The following ENO4 variants were observed in gnomAD, a reference collection of about 807,000 sequenced individuals.
ENO4 encodes 2-phospho-D-glycerate hydro-lyase.
ENO4 carries 53 observed loss-of-function variants against 63.2 expected under a neutral mutation model. The observed-to-expected ratio is 0.84, with a 90% confidence interval of 0.67 to 1.05. The LOEUF (loss-of-function observed/expected upper bound fraction) is 1.05, where lower values mean the gene tolerates loss of function less well. Among genes scored for constraint, ENO4 ranks in the 50% least tolerant of loss-of-function variants. The pLI is 0.00. For synonymous variants in ENO4, 266 were observed against 283.8 expected, an observed-to-expected ratio of 0.94 and a Z score of 0.63; for missense variants, 719 against 772.0, an observed-to-expected ratio of 0.93 and a Z score of 0.81.
intron 4 of ENO4, 120 bp from the exon 5 acceptor site, chr10:116,860,674 T>C (rs1458015474): frequency 1.4e-5 from 10 of 694,036 alleles, no homozygotes; most frequent in Non-Finnish European, 1.9e-5. Context: ...TTTTTGGGGG[T>C]TGAGGTAGAG....
intron 1 of ENO4, among the ~76,000 whole-genome samples, chr10:116,851,061 A>G (rs1423916030): frequency 1.3e-5 from 2 of 152,214 alleles, no homozygotes; most frequent in Admixed American, 6.5e-5. Flanking sequence ...TTACAGGGAC[A>G]CCAAGTCTTT....
rs1279240190 is a variant in ENO4, at chr10:116,849,776, C to T, written c.165+45C>T. The T allele has an allele frequency of 3.4e-6, 5 of 1,466,862 alleles. No homozygotes were observed. In the South Asian group the frequency reaches 4.2e-5, roughly 12 times the overall value. 90.9% of individuals were successfully genotyped at this position (1,466,862 alleles called of 1,614,324 possible). On this transcript the variant is annotated intron_variant, in intron 1 of 13. Transcript: ENST00000341276. The stretch of plus-strand genomic sequence containing the variant: ...GCTCTCCTCCCGCCAACCCCTCTCC[C>T]CCCGCCCCGCGCTGCGGCAACGCCT...
At chr10:116,886,213 C>T (rs1564858166), downstream of ENO4, 3 of 1,271,976 alleles carry the variant, frequency 2.4e-6, no homozygotes, top group Non-Finnish European at 3.2e-6. Context: ...ACAAAAGTGA[C>T]ACCAGAAAAG....
chr10:116,864,077 A>T (rs770461415), intron 7 of ENO4, among the ~76,000 whole-genome samples: 6 of 152,250 alleles, frequency 3.9e-5, no homozygotes, highest in Non-Finnish European at 8.8e-5. Context: ...ACGCCGCATC[A>T]GGAGCCGGTG....
At position 116,881,634 on chromosome 10, in the gene ENO4, G is replaced by A. The variant is rs1408762508; in HGVS notation, c.1843G>A (p.Glu615Lys). ...GCCCACCTTCCCCACACAAGGTGTA[G>A]AGGAATCAGCCGAAACAGGAGCATC... The part of the protein sequence containing the change: ...LVPTFPTQGV[E>K]ESAETGASSG Residue 615 changes from glutamate to lysine, a missense_variant, in exon 14 of 14, where the codon GAG (glutamate) becomes AAG (lysine). Transcript: ENST00000341276. 6 of 1,549,082 alleles carry A rather than the reference G, an allele frequency of 3.9e-6. No individual in the cohort carries two copies. The Admixed American group carries it at 1.2e-4, about 30-fold the overall frequency.
intron 10 of ENO4, among the ~76,000 whole-genome samples, chr10:116,910,120 G>C (rs1433016909): frequency 6.6e-6 from 1 of 152,174 alleles, no homozygotes; most frequent in African/African-American, 2.4e-5. Context: ...ATAAGAATGT[G>C]TGTGGTTTAT....
chr10:116,878,893 A>G (rs766619229), intron 11 of ENO4, among the ~76,000 whole-genome samples: 86 of 151,758 alleles, frequency 5.7e-4, no homozygotes, highest in Middle Eastern at 6.8e-3. Flanking sequence ...ACAGGTGCCT[A>G]CCACCACGCC....
Position 116,881,903 on chromosome 10 carries a change from G to A in ENO4, c.*234G>A. 2.7e-6 allele frequency: 1 copy of A among 375,108 alleles called. No individual in the cohort carries two copies. The highest frequency in any genetic ancestry group is 4.7e-6 in the Non-Finnish European group (1 of 212,954). The allele number at this position is 375,108 out of a possible 1,614,324, so 23.2% of individuals were successfully genotyped here. A position where few individuals can be genotyped will look rare whatever the true frequency, so the allele number is the denominator to read the frequency against. On this transcript the variant is annotated 3_prime_UTR_variant, in exon 14 of 14. Transcript: ENST00000341276. ...CCATGTGGATTTTGTTTGTCTATTAGCTCTCCTGTCCATTTTTCAGGGACA... is the reference window on the plus strand; with the variant it reads ...CCATGTGGATTTTGTTTGTCTATTAACTCTCCTGTCCATTTTTCAGGGACA...
intron 10 of ENO4, chr10:116,906,555 T>C: frequency 2.1e-6 from 3 of 1,443,900 alleles, no homozygotes; most frequent in South Asian, 1.4e-5. Context: ...GATTGTTTCA[T>C]GTAAAAAGAG....
At chr10:116,856,371 A>G (rs1395107393) in intron 2 of ENO4, 121 bp from the exon 3 acceptor site, 5 of 756,502 alleles carry the variant, frequency 6.6e-6, no homozygotes, top group Non-Finnish European at 1.0e-5. Flanking sequence ...AAAATTATAT[A>G]TTCTCATTGT....
At chr10:116,881,209 G>C (rs970150288) in intron 13 of ENO4, among the ~76,000 whole-genome samples, 2 of 152,172 alleles carry the variant, frequency 1.3e-5, no homozygotes, top group African/African-American at 4.8e-5. Flanking sequence ...CCTAATACTG[G>C]CCTTTCCCCC....
intron 7 of ENO4, among the ~76,000 whole-genome samples, chr10:116,867,688 T>A (rs1269940616): frequency 6.6e-6 from 1 of 152,214 alleles, no homozygotes. Flanking sequence ...AGGTTGTTTT[T>A]TTCCCTGGTT....
At chr10:116,855,040 A>T (rs2133245960) in intron 1 of ENO4, among the ~76,000 whole-genome samples, 1 of 152,008 alleles carries the variant, frequency 6.6e-6, no homozygotes, top group East Asian at 1.9e-4. Flanking sequence ...CTAGCCTGTA[A>T]TCCCAGCACT....
intron 10 of ENO4, chr10:116,901,906 C>T (rs751652039): frequency 6.2e-7 from 1 of 1,606,914 alleles, no homozygotes; most frequent in Non-Finnish European, 8.5e-7. Flanking sequence ...GGATACAGAA[C>T]CCAACACTGG....
At chr10:116,902,398 GCTT>G (rs1564867134) in intron 10 of ENO4, among the ~76,000 whole-genome samples, 2 of 152,142 alleles carry the variant, frequency 1.3e-5, no homozygotes, top group African/African-American at 4.8e-5. Context: ...GCTCATGAAG[GCTT>G]CTTGAGCATT....
rs1000376076 is a variant in ENO4 at position 116,900,875 on chromosome 10, T to C, written c.1195-10624T>C. On this transcript the variant is annotated intron_variant, in intron 10 of 10. Transcript: ENST00000369207. ...CCAGAAGAGAAAAAAAAGTTAATAG[T>C]AGCAATGAGAGAATGCAAGAGAGGA... 10 of 985,060 alleles carry C rather than the reference T, an allele frequency of 1.0e-5. No homozygotes were observed. The East Asian group carries it at 1.1e-3, about 112-fold the overall frequency. 61.0% of individuals were successfully genotyped at this position (985,060 alleles called of 1,614,324 possible).
chr10:116,857,642 C>CT (rs67355556), intron 3 of ENO4, among the ~76,000 whole-genome samples: 84,765 of 144,946 alleles, frequency 0.58, 27,534 homozygotes, highest in Middle Eastern at 0.74. Flanking sequence ...GTAACAGAAA[C>CT]TTTTTTTTTT....
chr10:116,886,707 A>T, downstream of ENO4: 1 of 1,148,716 alleles, frequency 8.7e-7, no homozygotes, highest in Non-Finnish European at 1.2e-6. Flanking sequence ...TTGAGATGCC[A>T]GCCATTTAAA....
rs563794545 is a variant in ENO4, at chr10:116,889,815, G to A, written c.1194+9829G>A. ...TCCATCTTCCAGATCTGTAAATAAA[G>A]TCTATCCCTTCAAGCTATCCCTTAG... On this transcript the variant is annotated intron_variant, in intron 10 of 10. Transcript: ENST00000369207. 9.3e-4 allele frequency among the ~76,000 whole-genome samples: 142 copies of A among 152,256 alleles called. 2 individuals are homozygous for A. Among genetic ancestry groups the A allele is most frequent in the Admixed American group, 2.0e-4 (3 of 15,292 alleles).
Sources: allele counts gnomAD v4.1 joint callset (sites outside exome capture counted in the v4.1 genomes callset), GRCh38; gene constraint gnomAD v4.1.1; transcripts MANE v1.5; gene names NCBI Gene and HGNC (gene_info 2026-07-23, HGNC 2026-07-21).